Variants in KIF25 observed in about 807,000 individuals in gnomAD.
The protein encoded by KIF25 is kinesin-like protein KIF25.
Under a neutral mutation model 32.9 loss-of-function variants are expected in KIF25, and 19 were observed. That is an observed-to-expected ratio of 0.58 (90% CI 0.40 to 0.85). The LOEUF (loss-of-function observed/expected upper bound fraction) is 0.85, where lower values mean the gene tolerates loss of function less well. Ranked by LOEUF, KIF25 falls within the 40% of genes least tolerant of loss-of-function variation. KIF25 has a pLI of 0.00. For synonymous variants in KIF25, 225 were observed against 213.7 expected (o/e 1.05, Z -0.46); for missense variants, 485 against 507.0 (o/e 0.96, Z 0.42).
rs1029851794 is a variant in KIF25 at position 168,042,756 on chromosome 6, C to T, written c.985+40C>T. ...CAAAATGCCCCAGGATGGGGGACCA[C>T]GTACCCCAGGACATGTGCACACACT... On this transcript the variant is annotated intron_variant, in intron 12 of 12. Coordinates refer to ENST00000643607, the MANE Select transcript of KIF25 (RefSeq NM_030615.4). 5 of 1,579,806 alleles carry T rather than the reference C, an allele frequency of 3.2e-6. No individual in the cohort carries two copies. In the South Asian group the frequency reaches 3.4e-5, roughly 11 times the overall value.
At chr6:168,042,298 T>A in intron 11 of KIF25, 147 bp downstream of exon 11, 1 of 932,640 alleles carries the variant, frequency 1.1e-6, no homozygotes, top group Non-Finnish European at 1.6e-6. Flanking sequence ...TCCCGTTACA[T>A]TCTCAGGGAT....
chr6:168,009,696 C>T (rs1402126957), intron 4 of KIF25, among the ~76,000 whole-genome samples: 7 of 152,088 alleles, frequency 4.6e-5, no homozygotes, highest in Admixed American at 3.9e-4. Flanking sequence ...GTGAAGCCTT[C>T]TGGTCCTAGA....
chr6:168,009,686 G>C (rs554786950), intron 4 of KIF25, among the ~76,000 whole-genome samples: 5 of 152,210 alleles, frequency 3.3e-5, no homozygotes, highest in African/African-American at 1.2e-4. Flanking sequence ...GAATTTAGTA[G>C]TGAAGCCTTC....
At chr6:168,038,477 T>A in intron 8 of KIF25, 76 bp from the exon 9 acceptor site, 1 of 1,475,680 alleles carries the variant, frequency 6.8e-7, no homozygotes, top group East Asian at 2.3e-5. Context: ...GTAGGGCGTC[T>A]GGGGCTATGA....
At chr6:168,031,443 A>G (rs1798940806) in intron 7 of KIF25, among the ~76,000 whole-genome samples, 1 of 152,246 alleles carries the variant, frequency 6.6e-6, no homozygotes, top group African/African-American at 2.4e-5. Context: ...AGGCTTCTGC[A>G]CAGCCAACCT....
intron 4 of KIF25, among the ~76,000 whole-genome samples, chr6:168,004,301 C>A (rs540623968): frequency 6.6e-6 from 1 of 152,290 alleles, no homozygotes; most frequent in African/African-American, 2.4e-5. Flanking sequence ...GCACATGGAG[C>A]CCACGGCAGG....
Position 168,038,869 on chromosome 6 carries a change from G to C in KIF25, c.494+140G>C, listed in dbSNP as rs976040065. The C allele has an allele frequency of 1.2e-5, 9 of 752,536 alleles. No individual in the cohort carries two copies. The African/African-American group carries it at 1.4e-4, about 12-fold the overall frequency. The allele number at this position is 752,536 out of a possible 1,614,324, so 46.6% of individuals were successfully genotyped here. The stretch of plus-strand genomic sequence containing the variant: ...CAAGGAGAATCGGCCGTGGTGGCCC[G>C]ATCAGTGCTCCTTGTCACTGAGTGG... On this transcript the variant is annotated intron_variant, in intron 9 of 12. Coordinates refer to ENST00000643607, the MANE Select transcript of KIF25 (RefSeq NM_030615.4).
chr6:168,001,687 CTCGGGCAG>C, intron 2 of KIF25, among the ~76,000 whole-genome samples: 1 of 127,990 alleles, frequency 7.8e-6, no homozygotes, highest in South Asian at 2.9e-4. Flanking sequence ...GAGGCGTGGC[CTCGGGCAG>C]GTGAGAAGAC....
chr6:168,014,000 A>AATATAT (rs56286678), intron 4 of KIF25, among the ~76,000 whole-genome samples: 14,811 of 148,890 alleles, frequency 0.099, 871 homozygotes, highest in Middle Eastern at 0.16. Context: ...CCACCATGCA[A>AATATAT]ATATATATAT....
At chr6:168,027,021 G>A (rs1368385959) in intron 5 of KIF25, among the ~76,000 whole-genome samples, 1 of 152,206 alleles carries the variant, frequency 6.6e-6, no homozygotes. Flanking sequence ...AAGACCTAGA[G>A]CTGTAGGGAC....
At chr6:168,014,985 C>A (rs1251157996) in intron 4 of KIF25, among the ~76,000 whole-genome samples, 1 of 152,354 alleles carries the variant, frequency 6.6e-6, no homozygotes, top group Admixed American at 6.5e-5. Context: ...TAGTTACATG[C>A]AGCCAATGTA....
At chr6:168,020,613 A>G (rs974631830) in intron 5 of KIF25, among the ~76,000 whole-genome samples, 1 of 152,224 alleles carries the variant, frequency 6.6e-6, no homozygotes, top group Non-Finnish European at 1.5e-5. Flanking sequence ...GTACTTTCGT[A>G]TGGTCCTTAT....
intron 4 of KIF25, among the ~76,000 whole-genome samples, chr6:168,015,157 C>G (rs1042138342): frequency 6.6e-6 from 1 of 152,128 alleles, no homozygotes; most frequent in African/African-American, 2.4e-5. Context: ...CTGATGATAT[C>G]CACAGCAGGC....
chr6:168,010,909 T>C (rs1224687626), intron 4 of KIF25, among the ~76,000 whole-genome samples: 4 of 152,148 alleles, frequency 2.6e-5, no homozygotes, highest in Non-Finnish European at 5.9e-5. Context: ...TGCTTTATCT[T>C]ACATAAGTAA....
chr6:168,029,242 T>A (rs1798905912), intron 5 of KIF25, among the ~76,000 whole-genome samples: 1 of 152,192 alleles, frequency 6.6e-6, no homozygotes, highest in African/African-American at 2.4e-5. Context: ...ATATTTACGA[T>A]CTAGTTTTTT....
intron 12 of KIF25, 82 bp downstream of exon 12, chr6:168,042,798 T>C (rs1799148105): frequency 5.4e-6 from 8 of 1,478,940 alleles, no homozygotes; most frequent in Non-Finnish European, 7.3e-6. Context: ...CTGCACGTCC[T>C]CGAGGGCCAC....
intron 5 of KIF25, among the ~76,000 whole-genome samples, chr6:168,028,569 C>T (rs762151155): frequency 5.4e-5 from 8 of 146,878 alleles, no homozygotes; most frequent in South Asian, 2.3e-4. Context: ...TTTCTATTCT[C>T]GTTCTTTTAT....
rs1462621679 is a variant in KIF25 at position 167,997,875 on chromosome 6, TC to T, written c.-1592del. On this transcript the variant is annotated 5_prime_UTR_variant, in exon 1 of 13. An upstream open reading frame in the 5' UTR loses its in-frame stop. Coordinates refer to ENST00000643607, the MANE Select transcript of KIF25 (RefSeq NM_030615.4). ...TGCCCGAGGCCCACGAAGCCAGTGT[TC>T]CTGCGAAGCTTCTCTTCCCTGGCCA... Among the ~76,000 whole-genome samples the T allele has an allele frequency of 1.3e-5, 2 of 152,170 alleles. No individual in the cohort carries two copies. The highest frequency in any genetic ancestry group is 2.9e-5 in the Non-Finnish European group (2 of 68,022).
At chr6:168,009,042 T>C (rs541930970) in intron 4 of KIF25, among the ~76,000 whole-genome samples, 113 of 152,258 alleles carry the variant, frequency 7.4e-4, no homozygotes, top group Non-Finnish European at 1.3e-3. Flanking sequence ...TTTGACTTCC[T>C]TCTGTATGAT....
Sources: allele counts gnomAD v4.1 joint callset (sites outside exome capture counted in the v4.1 genomes callset), GRCh38; gene constraint gnomAD v4.1.1; transcripts MANE v1.5; gene names NCBI Gene and HGNC (gene_info 2026-07-23, HGNC 2026-07-21).